Variants in PCDH11X observed in about 807,000 individuals in gnomAD.
The protein encoded by PCDH11X is protocadherin 11 X-linked.
PCDH11X carries 18 observed loss-of-function variants against 53.3 expected under a neutral mutation model. The observed-to-expected ratio is 0.34, with a 90% CI of 0.23 to 0.50. The LOEUF (loss-of-function observed/expected upper bound fraction) is 0.50. Among genes scored for constraint, PCDH11X ranks in the 20% least tolerant of loss-of-function variants. The pLI is 0.98. For missense variants in PCDH11X, 570 were observed against 1,032.4 expected, an observed-to-expected ratio of 0.55 and a Z score of 6.14; for synonymous variants, 279 against 393.3, an observed-to-expected ratio of 0.71 and a Z score of 3.44.
At chrX:92,217,921 A>G (rs1033154883) in intron 7 of PCDH11X, among the ~76,000 whole-genome samples, 5 of 109,621 alleles carry the variant, frequency 4.6e-5, no homozygotes, top group Admixed American at 2.9e-4. Flanking sequence ...GCTCAACTAC[A>G]TGGAAACTGA....
intron 5 of PCDH11X, among the ~76,000 whole-genome samples, chrX:91,838,074 A>G (rs1040580873): frequency 8.9e-6 from 1 of 111,879 alleles, no homozygotes; most frequent in Non-Finnish European, 1.9e-5. Context: ...GACCATCTTG[A>G]CAAATGTGTT....
chrX:92,011,593 G>T (rs2062692854), intron 6 of PCDH11X, among the ~76,000 whole-genome samples: 1 of 111,567 alleles, frequency 9.0e-6, no homozygotes, highest in Non-Finnish European at 1.9e-5. Context: ...GTATAGAAAA[G>T]AATGTTTATG....
intron 4 of PCDH11X, chrX:91,834,786 A>G (rs1208315338): frequency 9.0e-6 from 1 of 110,768 alleles, no homozygotes; most frequent in Non-Finnish European, 1.8e-5. Context: ...CTTTATATTA[A>G]TAGCTATTCT....
At chrX:91,788,618 G>A (rs1313647669) in intron 1 of PCDH11X, among the ~76,000 whole-genome samples, 2 of 112,163 alleles carry the variant, frequency 1.8e-5, no homozygotes, top group South Asian at 3.6e-4. Context: ...CATTCTCTAT[G>A]CCAGGGCATA....
intron 4 of PCDH11X, among the ~76,000 whole-genome samples, chrX:91,816,870 T>C (rs1936468471): frequency 2.8e-5 from 3 of 107,906 alleles, no homozygotes; most frequent in African/African-American, 6.8e-5. Context: ...TGAAGTTACA[T>C]AGTTGTCTAT....
At chrX:91,860,212 G>A (rs753686068) in intron 5 of PCDH11X, among the ~76,000 whole-genome samples, 1 of 107,554 alleles carries the variant, frequency 9.3e-6, no homozygotes, top group East Asian at 3.1e-4. Flanking sequence ...CTAGGTATTT[G>A]ATTCTCTTTG....
At chrX:92,313,953 G>A (rs986436378) in intron 8 of PCDH11X, among the ~76,000 whole-genome samples, 14 of 111,290 alleles carry the variant, frequency 1.3e-4, no homozygotes, top group African/African-American at 4.6e-4. Flanking sequence ...GAATGTGAAG[G>A]CCTAGGACAC....
At chrX:92,261,141 A>T (rs1243862985) in intron 7 of PCDH11X, among the ~76,000 whole-genome samples, 1 of 110,401 alleles carries the variant, frequency 9.1e-6, no homozygotes, top group Non-Finnish European at 1.9e-5. Flanking sequence ...GCTTGCCAAT[A>T]TATTTCTGTA....
intron 9 of PCDH11X, among the ~76,000 whole-genome samples, chrX:92,433,916 A>G (rs1446164178): frequency 9.1e-6 from 1 of 110,425 alleles, no homozygotes; most frequent in African/African-American, 3.3e-5. Context: ...GCAGTGTGAA[A>G]AGGTTCTGAA....
At chrX:92,070,144 G>A (rs2063676236) in intron 6 of PCDH11X, among the ~76,000 whole-genome samples, 1 of 111,963 alleles carries the variant, frequency 8.9e-6, no homozygotes, top group African/African-American at 3.2e-5. Context: ...AAATGTTGGA[G>A]TTATTATTTT....
chrX:92,465,019 A>G lies in PCDH11X; in HGVS notation c.3344-3280A>G, dbSNP rs764528450. Among the ~76,000 whole-genome samples the G allele has an allele frequency of 4.7e-4, 52 of 110,749 alleles. No homozygotes were observed. The East Asian group carries it at 0.01, about 21-fold the overall frequency. ...ACGGTTGCATATGCTAGTCCATGCT[A>G]TAGGTGGCATAGGCCTGTAGTCCTA... is the stretch of plus-strand genomic sequence containing the variant. On this transcript the variant is annotated intron_variant, in intron 9 of 10. Transcript: ENST00000682573.
intron 9 of PCDH11X, among the ~76,000 whole-genome samples, chrX:92,422,864 T>G (rs2072005722): frequency 9.2e-6 from 1 of 108,781 alleles, no homozygotes; most frequent in African/African-American, 3.3e-5. Flanking sequence ...TTCTTTATTT[T>G]TTGAGACGGA....
chrX:92,555,281 T>C (rs35468183), intron 10 of PCDH11X, among the ~76,000 whole-genome samples: 3 of 111,773 alleles, frequency 2.7e-5, no homozygotes, highest in African/African-American at 9.7e-5. Context: ...AATTCAAGTG[T>C]ATAGTCTAAA....
intron 8 of PCDH11X, among the ~76,000 whole-genome samples, chrX:92,355,585 GTT>G (rs2148532842): frequency 9.5e-6 from 1 of 104,766 alleles, no homozygotes; most frequent in East Asian, 3.1e-4. Context: ...AGCATGAATG[GTT>G]TTAACATGAA....
chrX:92,415,484 T>C (rs1454062292), intron 9 of PCDH11X, among the ~76,000 whole-genome samples: 1 of 111,707 alleles, frequency 9.0e-6, no homozygotes, highest in East Asian at 2.8e-4. Context: ...GCATCAATTA[T>C]CCTTCCTGAA....
chrX:92,406,272 C>G (rs2071512532), intron 9 of PCDH11X, among the ~76,000 whole-genome samples: 1 of 108,955 alleles, frequency 9.2e-6, no homozygotes, highest in African/African-American at 3.4e-5. Context: ...GCAGAATTTT[C>G]TACATTAAAA....
At chrX:92,046,590 A>G (rs1225714941) in intron 6 of PCDH11X, among the ~76,000 whole-genome samples, 1 of 111,259 alleles carries the variant, frequency 9.0e-6, no homozygotes, top group African/African-American at 3.3e-5. Flanking sequence ...TGCTCCACAT[A>G]GTGTGTGTTG....
chrX:91,865,780 C>T (rs1938946713), intron 5 of PCDH11X, among the ~76,000 whole-genome samples: 1 of 111,911 alleles, frequency 8.9e-6, no homozygotes, highest in Admixed American at 9.5e-5. Context: ...GTAGCCACTG[C>T]CACCCCAGGC....
chrX:91,985,195 G>A (rs770754013), intron 6 of PCDH11X, among the ~76,000 whole-genome samples: 58 of 112,187 alleles, frequency 5.2e-4, no homozygotes, highest in African/African-American at 1.8e-3. Flanking sequence ...AAATCTACTA[G>A]GTTTTACATG....
Sources: allele counts gnomAD v4.1 joint callset (sites outside exome capture counted in the v4.1 genomes callset), GRCh38; gene constraint gnomAD v4.1.1; transcripts MANE v1.5; gene names NCBI Gene and HGNC (gene_info 2026-07-23, HGNC 2026-07-21).